Variants in BLTP1 observed in about 807,000 individuals in gnomAD.
BLTP1 encodes the protein fragile site-associated protein.
the BLTP1 span, among the ~76,000 whole-genome samples, chr4:122,314,684 A>C: frequency 6.6e-6 from 1 of 152,164 alleles, no homozygotes; most frequent in Non-Finnish European, 1.5e-5. Flanking sequence ...AAGTTACCTT[A>C]GAAAGCACCA....
At chr4:122,267,019 C>T in the BLTP1 span, 68 of 633,844 alleles carry the variant, frequency 1.1e-4, no homozygotes, top group African/African-American at 8.0e-4. Flanking sequence ...TGTTTTTTAA[C>T]GTTACTTTCG....
At chr4:122,262,230 T>G in the BLTP1 span, among the ~76,000 whole-genome samples, 1 of 151,210 alleles carries the variant, frequency 6.6e-6, no homozygotes, top group Non-Finnish European at 1.5e-5. Context: ...AGGGATATTG[T>G]GTCTAGGTAT....
chr4:122,222,769 A>G, the BLTP1 span, among the ~76,000 whole-genome samples: 4 of 152,168 alleles, frequency 2.6e-5, no homozygotes, highest in Non-Finnish European at 4.4e-5. Context: ...TAACCTTATC[A>G]TAACCTAATT....
chr4:122,253,776 A>G, the BLTP1 span, among the ~76,000 whole-genome samples: 1 of 152,206 alleles, frequency 6.6e-6, no homozygotes, highest in South Asian at 2.1e-4. Flanking sequence ...TGAGAAAGAT[A>G]TCAATATTCA....
At chr4:122,250,230 A>G in the BLTP1 span, 1 of 952,138 alleles carries the variant, frequency 1.1e-6, no homozygotes, top group South Asian at 1.9e-5. Flanking sequence ...GTGATACATT[A>G]CTTTTATAGA....
the BLTP1 span, among the ~76,000 whole-genome samples, chr4:122,353,423 T>G: frequency 6.6e-5 from 10 of 152,188 alleles, no homozygotes; most frequent in Non-Finnish European, 7.3e-5. The surrounding 1 kb of genome is among the most constrained non-coding windows in gnomAD (Gnocchi z 4.3). Context: ...ATCTTTCTTA[T>G]AAAAACATGA....
chr4:122,264,018 A>G, the BLTP1 span: 1 of 708,584 alleles, frequency 1.4e-6, no homozygotes, highest in Non-Finnish European at 1.7e-6. Flanking sequence ...AACAGTATGT[A>G]TGTATAAGGA....
At chr4:122,246,708 C>T in the BLTP1 span, 2 of 1,612,550 alleles carry the variant, frequency 1.2e-6, no homozygotes, top group Non-Finnish European at 1.7e-6. Flanking sequence ...TTACAAGCCT[C>T]AGTGGAAGAA....
chr4:122,291,533 A>G, the BLTP1 span, among the ~76,000 whole-genome samples: 4 of 152,222 alleles, frequency 2.6e-5, no homozygotes, highest in South Asian at 2.1e-4. Context: ...AGGAAGACTA[A>G]TGTTCATAAC....
At chr4:122,247,183 A>C in the BLTP1 span, 1 of 1,613,174 alleles carries the variant, frequency 6.2e-7, no homozygotes, top group South Asian at 1.1e-5. Flanking sequence ...GACTTCAAAC[A>C]ATGCAGAACC....
At chr4:122,345,015 G>A in the BLTP1 span, 13 of 984,702 alleles carry the variant, frequency 1.3e-5, no homozygotes, top group African/African-American at 1.7e-5. Context: ...TTTACATTGC[G>A]ATTTGAGTGT....
At chr4:122,299,525 G>C in the BLTP1 span, among the ~76,000 whole-genome samples, 1 of 152,156 alleles carries the variant, frequency 6.6e-6, no homozygotes, top group Admixed American at 6.5e-5. Flanking sequence ...ACCATCTGCT[G>C]CTGGATCAAA....
chr4:122,204,109 A>G, the BLTP1 span, among the ~76,000 whole-genome samples: 2 of 152,030 alleles, frequency 1.3e-5, no homozygotes, highest in East Asian at 3.9e-4. Flanking sequence ...ACTTATGGGC[A>G]TTTCTTGTTT....
At chr4:122,311,955 C>T in the BLTP1 span, among the ~76,000 whole-genome samples, 1 of 152,150 alleles carries the variant, frequency 6.6e-6, no homozygotes, top group Non-Finnish European at 1.5e-5. Flanking sequence ...TTCAGATCTA[C>T]ATCTAAAAAT....
At chr4:122,355,988 A>G in the BLTP1 span, 4 of 1,588,444 alleles carry the variant, frequency 2.5e-6, 1 homozygote, top group South Asian at 3.4e-5. Context: ...CCTTCATTAC[A>G]GGGTATGTAG....
the BLTP1 span, among the ~76,000 whole-genome samples, chr4:122,232,498 T>C: frequency 1.3e-5 from 2 of 152,078 alleles, no homozygotes; most frequent in African/African-American, 2.4e-5. Context: ...TCCCAGCTAC[T>C]TGGGAGGCTG....
chr4:122,344,957 T>C, the BLTP1 span: 6 of 985,010 alleles, frequency 6.1e-6, no homozygotes, highest in Non-Finnish European at 6.0e-6. Flanking sequence ...TGTGCATGTA[T>C]ACTGCTGGTT....
chr4:122,272,528 C>G, the BLTP1 span: 1 of 726,590 alleles, frequency 1.4e-6, no homozygotes, highest in Admixed American at 3.1e-5. Context: ...CCCAGAAAAA[C>G]TGGACTTCCC....
At chr4:122,173,716 T>A in the BLTP1 span, among the ~76,000 whole-genome samples, 1 of 152,218 alleles carries the variant, frequency 6.6e-6, no homozygotes, top group Non-Finnish European at 1.5e-5. Context: ...CATTACTTCA[T>A]GATAATATCC....
Sources: gnomAD v4.1 joint callset for allele counts (sites outside exome capture counted in the v4.1 genomes callset) on GRCh38, gnomAD v4.1.1 for gene constraint, Gnocchi (gnomAD v3.1) non-coding constraint, MANE v1.5 for transcripts, NCBI Gene and HGNC (gene_info 2026-07-23, HGNC 2026-07-21) for gene names.